Variants in UTY observed in about 807,000 individuals in gnomAD.
UTY encodes the protein ubiquitously transcribed tetratricopeptide repeat containing, Y-linked.
UTY carries 12 observed loss-of-function variants against 32.5 expected under a neutral mutation model. The observed-to-expected ratio is 0.37, with a 90% CI of 0.24 to 0.60. UTY has a LOEUF of 0.60. Ranked by LOEUF, UTY falls within the 20% of genes least tolerant of loss-of-function variation. The pLI is 0.69. For synonymous variants in UTY, 131 were observed against 103.4 expected (o/e 1.27, Z -1.62); for missense variants, 303 against 299.2 (o/e 1.01, Z -0.09).
chrY:13,366,176 A>T, intron 10 of UTY, 91 bp downstream of exon 10: 1 of 304,590 alleles, frequency 3.3e-6, no homozygotes, highest in Non-Finnish European at 4.5e-6. Context: ...GTTTATTTTT[A>T]AAATTTCACT....
rs762071339 is a variant in UTY at position 13,435,912 on chromosome Y, A to G, written c.375+13105T>C. ...ACGGTAAGAAAAGAGGGCCCTACAG[A>G]GTAAGAAAGGGTGCCTTACAGGGAC... On this transcript the variant is annotated intron_variant, in intron 4 of 29. Transcript: ENST00000545955. Among the ~76,000 whole-genome samples the G allele has an allele frequency of 9.0e-5, 3 of 33,272 alleles. No homozygotes were observed. In the East Asian group the frequency reaches 2.4e-3, roughly 27 times the overall value. The allele number at this position is 33,272 out of a possible 37,273, so 89.3% of individuals were successfully genotyped here.
intron 21 of UTY, among the ~76,000 whole-genome samples, chrY:13,315,076 C>T (rs896792314): frequency 6.0e-5 from 2 of 33,565 alleles, no homozygotes; most frequent in Non-Finnish European, 7.3e-5. Context: ...GACTAGAACA[C>T]GTAATTTACA....
chrY:13,327,896 T>C (rs2060364372), intron 18 of UTY, among the ~76,000 whole-genome samples: 1 of 33,842 alleles, frequency 3.0e-5, no homozygotes, highest in Non-Finnish European at 7.3e-5. Flanking sequence ...GTTAATTTCT[T>C]GTAGTATCAA....
chrY:13,311,206 C>CT (rs2148831341), intron 21 of UTY, among the ~76,000 whole-genome samples: 1 of 33,783 alleles, frequency 3.0e-5, no homozygotes, highest in South Asian at 6.5e-4. Context: ...TATGGTACTG[C>CT]TGTTTTGACA....
chrY:13,353,709 G>C, intron 17 of UTY, among the ~76,000 whole-genome samples: 2 of 34,056 alleles, frequency 5.9e-5, no homozygotes, highest in Non-Finnish European at 1.5e-4. Flanking sequence ...AGGTCAAAAT[G>C]AATGTGGAAG....
intron 27 of UTY, among the ~76,000 whole-genome samples, chrY:13,283,088 T>C: frequency 2.9e-5 from 1 of 34,602 alleles, no homozygotes; most frequent in Non-Finnish European, 7.3e-5. Context: ...CGTGGCCTCA[T>C]CACCCATGGT....
intron 17 of UTY, among the ~76,000 whole-genome samples, chrY:13,349,268 C>T (rs373773653): frequency 3.1e-5 from 1 of 32,594 alleles, no homozygotes; most frequent in South Asian, 6.6e-4. Context: ...TTTACTATAA[C>T]CTAAACAACA....
intron 4 of UTY, among the ~76,000 whole-genome samples, chrY:13,438,073 C>T (rs2074819596): frequency 3.0e-5 from 1 of 32,968 alleles, no homozygotes; most frequent in South Asian, 6.9e-4. Context: ...TACCACAGGG[C>T]GCCAAATCAG....
chrY:13,238,915 G>C, intron 28 of UTY, among the ~76,000 whole-genome samples: 2 of 33,654 alleles, frequency 5.9e-5, no homozygotes, highest in African/African-American at 1.2e-4. Flanking sequence ...TCAATGAAAA[G>C]ACACATGAGA....
At chrY:13,337,133 G>A (rs2061143995) in intron 17 of UTY, among the ~76,000 whole-genome samples, 1 of 31,928 alleles carries the variant, frequency 3.1e-5, no homozygotes, top group African/African-American at 1.2e-4. Context: ...AGGTAAGAAG[G>A]AAAAAAAATT....
At chrY:13,268,017 G>A in intron 27 of UTY, among the ~76,000 whole-genome samples, 2 of 32,044 alleles carry the variant, frequency 6.2e-5, no homozygotes, top group African/African-American at 1.2e-4. Context: ...TTGCTCTCTC[G>A]AAGAGTATCT....
intron 21 of UTY, among the ~76,000 whole-genome samples, chrY:13,311,411 C>T (rs1603368339): frequency 3.2e-5 from 1 of 31,740 alleles, no homozygotes. Flanking sequence ...CTGGCTAACA[C>T]GGTGAAACCC....
intron 8 of UTY, among the ~76,000 whole-genome samples, chrY:13,385,521 C>A (rs2066628498): frequency 6.1e-5 from 2 of 32,915 alleles, no homozygotes; most frequent in African/African-American, 2.4e-4. Flanking sequence ...AACTCCTGGG[C>A]TCAAACAATG....
intron 7 of UTY, chrY:13,396,410 A>G: frequency 3.0e-5 from 1 of 33,604 alleles, no homozygotes; most frequent in East Asian, 7.7e-4. Context: ...TTTTTCCCAA[A>G]ATATTAACTG....
At chrY:13,303,233 T>C in intron 24 of UTY, among the ~76,000 whole-genome samples, 1 of 33,741 alleles carries the variant, frequency 3.0e-5, no homozygotes, top group African/African-American at 1.2e-4. Context: ...GTTCAAAATG[T>C]AACCTGTCTC....
chrY:13,401,769 G>A (rs1004257027), intron 6 of UTY, among the ~76,000 whole-genome samples: 61 of 32,518 alleles, frequency 1.9e-3, no homozygotes, highest in Non-Finnish European at 4.0e-3. Flanking sequence ...CCAGCTACTC[G>A]GGAGGCTGAG....
At chrY:13,313,543 A>G (rs2059319649) in intron 21 of UTY, among the ~76,000 whole-genome samples, 2 of 33,758 alleles carry the variant, frequency 5.9e-5, no homozygotes, top group African/African-American at 1.2e-4. Context: ...TTCAAAACTG[A>G]GACCCCTCGG....
At chrY:13,351,400 T>C in intron 17 of UTY, among the ~76,000 whole-genome samples, 1 of 33,517 alleles carries the variant, frequency 3.0e-5, no homozygotes, top group East Asian at 7.8e-4. Context: ...CTGATTTCCA[T>C]ACTACCTAAT....
intron 29 of UTY, among the ~76,000 whole-genome samples, 197 bp from the exon 30 acceptor site, chrY:13,250,079 GGCGCGATCT>G (rs2054026313): frequency 3.0e-5 from 1 of 33,259 alleles, no homozygotes; most frequent in South Asian, 6.8e-4. Flanking sequence ...GGAGTGCAAT[GGCGCGATCT>G]CGGCTCACCG....
Sources: gnomAD v4.1 joint callset for allele counts (sites outside exome capture counted in the v4.1 genomes callset) on GRCh38, gnomAD v4.1.1 for gene constraint, MANE v1.5 for transcripts, NCBI Gene and HGNC (gene_info 2026-07-23, HGNC 2026-07-21) for gene names.